LONP2: variants seen among roughly 807,000 people sequenced by gnomAD.
The protein encoded by LONP2 is lon protease homolog 2, peroxisomal.
Under a neutral mutation model 85.6 loss-of-function variants are expected in LONP2, and 60 were observed. That is an observed-to-expected ratio of 0.70 (90% CI 0.57 to 0.87). LONP2 has a LOEUF of 0.87. Ranked by LOEUF, LONP2 falls within the 40% of genes least tolerant of loss-of-function variation. The pLI, the probability that LONP2 is intolerant of heterozygous loss-of-function variation, is 0.00. For missense variants in LONP2, 860 were observed against 1,063.5 expected, an observed-to-expected ratio of 0.81 and a Z score of 2.66; for synonymous variants, 395 against 389.7, an observed-to-expected ratio of 1.01 and a Z score of -0.16.
intron 11 of LONP2, among the ~76,000 whole-genome samples, chr16:48,330,552 C>T (rs1416406818): frequency 6.6e-6 from 1 of 152,136 alleles, no homozygotes; most frequent in East Asian, 1.9e-4. Context: ...GGGTTCGTTC[C>T]TTGAGTGATA....
At chr16:48,252,900 T>C (rs1971684123) in intron 2 of LONP2, among the ~76,000 whole-genome samples, 1 of 152,214 alleles carries the variant, frequency 6.6e-6, no homozygotes, top group Non-Finnish European at 1.5e-5. Context: ...TTTGGTTAAC[T>C]CTAGATAGAA....
chr16:48,358,363 T>A (rs1960452489), downstream of LONP2, among the ~76,000 whole-genome samples: 3 of 152,354 alleles, frequency 2.0e-5, no homozygotes, highest in South Asian at 6.2e-4. Flanking sequence ...GGTATGTTCA[T>A]GGTTTACTTA....
rs1433142691 is a variant in LONP2 at position 48,270,168 on chromosome 16, G to A, written c.1135G>A (p.Val379Ile). Residue 379 changes from valine to isoleucine, a missense_variant, in exon 7 of 15, where the codon GTT becomes ATT. This residue lies in a region of LONP2 where 743 missense variants were observed against 917.3 expected (regional missense o/e 0.81). Coordinates refer to ENST00000285737, the MANE Select transcript of LONP2 (RefSeq NM_031490.5). ...CCTATGCTTTGTTGGCCCTCCTGGA[G>A]TTGGTAAAACAAGTGTGGGAAGATC... ...PILCFVGPPGVGKTSVGRSVA... is the reference protein window; with the variant it reads ...PILCFVGPPGIGKTSVGRSVA... The A allele has an allele frequency of 6.2e-7, 1 of 1,613,946 alleles. No homozygotes were observed. Among genetic ancestry groups the A allele is most frequent in the African/African-American group, 1.3e-5 (1 of 74,900 alleles).
chr16:48,261,298 C>G, intron 4 of LONP2, 126 bp from the exon 5 acceptor site: 1 of 660,598 alleles, frequency 1.5e-6, no homozygotes, highest in East Asian at 2.9e-5. Flanking sequence ...AACTTCACTT[C>G]CTAAAGATAG....
chr16:48,338,270 T>C (rs1739749564), intron 12 of LONP2, among the ~76,000 whole-genome samples: 1 of 152,250 alleles, frequency 6.6e-6, no homozygotes, highest in Non-Finnish European at 1.5e-5. Context: ...AGGTATGATG[T>C]CTGCCTTCAT....
chr16:48,246,192 G>T (rs1852655866), intron 1 of LONP2, among the ~76,000 whole-genome samples: 1 of 151,948 alleles, frequency 6.6e-6, no homozygotes, highest in African/African-American at 2.4e-5. Flanking sequence ...CATTTATATT[G>T]TAAAAGCCTT....
At chr16:48,307,425 C>T (rs778787693) in intron 11 of LONP2, among the ~76,000 whole-genome samples, 7 of 152,176 alleles carry the variant, frequency 4.6e-5, no homozygotes, top group Non-Finnish European at 8.8e-5. Flanking sequence ...TTGCACACTT[C>T]AGTGTTTCTA....
chr16:48,360,175 C>A (rs1215743633), downstream of LONP2, among the ~76,000 whole-genome samples: 1 of 152,212 alleles, frequency 6.6e-6, no homozygotes, highest in Admixed American at 6.5e-5. Context: ...GGGGTAGAGC[C>A]GAGACTGGCA....
chr16:48,299,345 G>A (rs1048398675), intron 9 of LONP2, among the ~76,000 whole-genome samples: 1 of 151,978 alleles, frequency 6.6e-6, no homozygotes, highest in Non-Finnish European at 1.5e-5. Context: ...AGCACTTTGG[G>A]AGGCTGAGGC....
intron 11 of LONP2, among the ~76,000 whole-genome samples, chr16:48,322,939 A>G (rs761854215): frequency 2.0e-5 from 3 of 152,216 alleles, no homozygotes; most frequent in Non-Finnish European, 4.4e-5. Flanking sequence ...TCACTAGGCA[A>G]TAGGAATCTT....
intron 1 of LONP2, among the ~76,000 whole-genome samples, chr16:48,245,027 A>ACTC (rs1317543698): frequency 6.7e-6 from 1 of 149,406 alleles, no homozygotes; most frequent in Non-Finnish European, 1.5e-5. Flanking sequence ...ACTGCCCTTT[A>ACTC]CTCCTATCCG....
chr16:48,288,242 C>T (rs1193140353), intron 8 of LONP2, among the ~76,000 whole-genome samples: 1 of 150,824 alleles, frequency 6.6e-6, no homozygotes, highest in Non-Finnish European at 1.5e-5. Flanking sequence ...CAACCTCTGC[C>T]TCCCAGGTTC....
At chr16:48,262,964 G>A (rs1179577298) in intron 6 of LONP2, 92 bp downstream of exon 6, 18 of 762,492 alleles carry the variant, frequency 2.4e-5, no homozygotes, top group South Asian at 9.1e-5. Flanking sequence ...ACTGATTGTC[G>A]TACTGTTAAA....
rs1314981772 is a variant in LONP2, at chr16:48,270,117, C to T, written c.1084C>T (p.Leu362Phe). 6.2e-7 allele frequency: 1 copy of T among 1,613,918 alleles called. No homozygotes were observed. The highest frequency in any genetic ancestry group is 8.5e-7 in the Non-Finnish European group (1 of 1,179,978). The change falls in exon 7 of 15, where the codon CTC becomes TTC. Residue 362 changes from leucine to phenylalanine, a missense_variant. Coordinates refer to ENST00000285737, the MANE Select transcript of LONP2 (RefSeq NM_031490.5). ...ACTGGAATACTTGGCTGTCAGACAGCTCAAAAATAACCTGAAGGGCCCAAT... is the reference window on the plus strand; with the variant it reads ...ACTGGAATACTTGGCTGTCAGACAGTTCAAAAATAACCTGAAGGGCCCAAT... ...RVLEYLAVRQ[L>F]KNNLKGPILC...
chr16:48,269,830 A>G (rs568702188), intron 6 of LONP2, among the ~76,000 whole-genome samples, 186 bp from the exon 7 acceptor site: 1 of 152,328 alleles, frequency 6.6e-6, no homozygotes, highest in Non-Finnish European at 1.5e-5. Flanking sequence ...CTCTGGGGAC[A>G]CTAAGTCTTA....
intron 11 of LONP2, among the ~76,000 whole-genome samples, chr16:48,311,094 C>T (rs1484137060): frequency 2.0e-5 from 3 of 152,150 alleles, no homozygotes; most frequent in African/African-American, 7.2e-5. Context: ...TTTCCCTTCA[C>T]ATTGACCTTA....
At chr16:48,246,112 C>G (rs941854899) in intron 1 of LONP2, among the ~76,000 whole-genome samples, 20 of 151,936 alleles carry the variant, frequency 1.3e-4, no homozygotes, top group African/African-American at 4.6e-4. Context: ...GGTACCTCCC[C>G]CCACCCCCGT....
At chr16:48,275,677 G>A (rs559267980) in intron 7 of LONP2, among the ~76,000 whole-genome samples, 48 of 152,240 alleles carry the variant, frequency 3.2e-4, no homozygotes, top group East Asian at 3.9e-4. Context: ...TTTAAGGGGC[G>A]TAATAGTATC....
chr16:48,297,055 T>A (rs1972688331), intron 9 of LONP2, among the ~76,000 whole-genome samples: 1 of 152,220 alleles, frequency 6.6e-6, no homozygotes, highest in Admixed American at 6.5e-5. Flanking sequence ...TTGCCCAGGC[T>A]GGAGTGCAGT....
Sources: allele counts gnomAD v4.1 joint callset (sites outside exome capture counted in the v4.1 genomes callset), GRCh38; gene constraint gnomAD v4.1.1; regional missense constraint gnomAD v4.1.1; transcripts MANE v1.5; gene names NCBI Gene and HGNC (gene_info 2026-07-23, HGNC 2026-07-21).